DLGAP2: variants seen among roughly 807,000 people sequenced by gnomAD.
DLGAP2 encodes disks large-associated protein 2.
In DLGAP2, 26 loss-of-function variants were observed where a neutral mutation model predicts 100.3. The ratio of observed to expected loss-of-function variants is 0.26; its 90% confidence interval spans 0.19 to 0.36. The LOEUF (loss-of-function observed/expected upper bound fraction) is 0.36. Among genes scored for constraint, DLGAP2 ranks in the 10% least tolerant of loss-of-function variants. DLGAP2 has a pLI of 1.00. For missense variants in DLGAP2, 1,858 were observed against 1,453.2 expected (o/e 1.28, Z -4.53); for synonymous variants, 886 against 630.1 (o/e 1.41, Z -6.08).
In DLGAP2 at chr8:1,704,478, G is replaced by C. The variant is rs1375094149; in HGVS notation, c.*3072G>C. 6.6e-6 allele frequency: 1 copy of C among 152,238 alleles called. No homozygotes were observed. The highest frequency in any genetic ancestry group is 1.5e-5 in the Non-Finnish European group (1 of 68,042). 9.4% of individuals were successfully genotyped at this position (152,238 alleles called of 1,614,324 possible). A position where few individuals can be genotyped will look rare whatever the true frequency, so the allele number is the denominator to read the frequency against. ...AGGAGAATGCTGCTTGTCACCTAGAGTGCTTTCCTTGTGATGCGTCTCTCG... is the reference window on the plus strand; with the variant it reads ...AGGAGAATGCTGCTTGTCACCTAGACTGCTTTCCTTGTGATGCGTCTCTCG... On this transcript the variant is annotated 3_prime_UTR_variant, in exon 15 of 15. Transcript: ENST00000637795.
intron 3 of DLGAP2, among the ~76,000 whole-genome samples, chr8:1,303,117 G>T (rs1221067635): frequency 1.3e-5 from 2 of 152,216 alleles, no homozygotes; most frequent in East Asian, 1.9e-4. Flanking sequence ...GGAGGAAGGG[G>T]TGGGGCGCGG....
chr8:1,266,472 C>G (rs778794846), intron 3 of DLGAP2, among the ~76,000 whole-genome samples: 4 of 152,162 alleles, frequency 2.6e-5, no homozygotes, highest in Non-Finnish European at 4.4e-5. Flanking sequence ...CTCTTTATGG[C>G]CAGCCATAAA....
intron 8 of DLGAP2, among the ~76,000 whole-genome samples, chr8:1,654,483 G>A (rs1189276192): frequency 6.6e-6 from 1 of 151,968 alleles, no homozygotes; most frequent in Non-Finnish European, 1.5e-5. Context: ...CCAACATGGT[G>A]AAACCCCATC....
At chr8:1,110,826 C>T (rs150126867) in intron 2 of DLGAP2, among the ~76,000 whole-genome samples, 1 of 151,766 alleles carries the variant, frequency 6.6e-6, no homozygotes, top group African/African-American at 2.4e-5. Flanking sequence ...CTGCACAGCC[C>T]TGACCCCCGG....
chr8:1,312,299 G>T (rs138194806), intron 3 of DLGAP2, among the ~76,000 whole-genome samples: 4 of 152,160 alleles, frequency 2.6e-5, no homozygotes, highest in South Asian at 2.1e-4. Context: ...TTTAGAGACC[G>T]CACCGAAGGC....
intron 1 of DLGAP2, among the ~76,000 whole-genome samples, chr8:815,616 A>C (rs918175069): frequency 1.3e-5 from 2 of 152,360 alleles, no homozygotes; most frequent in South Asian, 4.1e-4. Context: ...CTTGGTAAAG[A>C]AAATATAAAT....
chr8:794,383 G>C (rs1339857840), intron 1 of DLGAP2, among the ~76,000 whole-genome samples: 2 of 152,202 alleles, frequency 1.3e-5, no homozygotes, highest in Admixed American at 1.3e-4. Context: ...ACAGCCTTCA[G>C]AGCTGAGAGC....
At chr8:1,314,264 CT>C (rs1408233187) in intron 3 of DLGAP2, among the ~76,000 whole-genome samples, 1 of 152,154 alleles carries the variant, frequency 6.6e-6, no homozygotes, top group Non-Finnish European at 1.5e-5. Context: ...ACGTGAAATA[CT>C]TTTGGTCACT....
rs530602771 is a variant in DLGAP2, at chr8:1,133,764, C to T, written c.74-125087C>T. 2.0e-5 allele frequency among the ~76,000 whole-genome samples: 3 copies of T among 152,086 alleles called. No homozygotes were observed. The South Asian group carries it at 6.2e-4, about 32-fold the overall frequency. Reference sequence around the variant, plus strand: ...AAACCAGACTTTGATTTTTGGATTTCAGATAACACAGTAGTATTTAATTTG... The same window carrying T: ...AAACCAGACTTTGATTTTTGGATTTTAGATAACACAGTAGTATTTAATTTG... On this transcript the variant is annotated intron_variant, in intron 2 of 14. Transcript: ENST00000637795.
chr8:1,424,227 G>T (rs935981756), intron 3 of DLGAP2, among the ~76,000 whole-genome samples: 1 of 152,194 alleles, frequency 6.6e-6, no homozygotes, highest in African/African-American at 2.4e-5. Context: ...CTGATGGTTT[G>T]GCATACGTAA....
At chr8:1,294,887 ACTT>A (rs1563427592) in intron 3 of DLGAP2, among the ~76,000 whole-genome samples, 1 of 112,644 alleles carries the variant, frequency 8.9e-6, no homozygotes, top group Non-Finnish European at 2.1e-5. Context: ...AAAAAACAAA[ACTT>A]TTTTTTTTAA....
intron 3 of DLGAP2, among the ~76,000 whole-genome samples, chr8:1,495,350 C>T (rs1799512851): frequency 6.6e-6 from 1 of 152,324 alleles, no homozygotes; most frequent in Admixed American, 6.5e-5. Flanking sequence ...CAAGGAGAGG[C>T]AGCCGAGGAC....
At chr8:1,574,727 C>T (rs948299759) in intron 6 of DLGAP2, among the ~76,000 whole-genome samples, 12 of 152,204 alleles carry the variant, frequency 7.9e-5, no homozygotes, top group Non-Finnish European at 1.2e-4. Flanking sequence ...GGTTGACCCA[C>T]ATTAAACTGC....
chr8:1,479,297 TAA>T (rs1449974603), intron 3 of DLGAP2, among the ~76,000 whole-genome samples: 1 of 152,212 alleles, frequency 6.6e-6, no homozygotes, highest in Admixed American at 6.5e-5. Flanking sequence ...GGGGACAGAA[TAA>T]GATGCTGGGC....
chr8:1,539,716 C>A (rs1168626607), intron 4 of DLGAP2, among the ~76,000 whole-genome samples: 1 of 152,200 alleles, frequency 6.6e-6, no homozygotes, highest in Non-Finnish European at 1.5e-5. Flanking sequence ...GACAGCGAGA[C>A]CTGCCCACAT....
chr8:1,359,936 C>G (rs1399202737), intron 3 of DLGAP2, among the ~76,000 whole-genome samples: 3 of 152,210 alleles, frequency 2.0e-5, no homozygotes, highest in Admixed American at 2.0e-4. Flanking sequence ...GTGACTTAAA[C>G]AGGACCGTCC....
At chr8:823,735 C>CT (rs1796631550) in intron 1 of DLGAP2, among the ~76,000 whole-genome samples, 1 of 152,084 alleles carries the variant, frequency 6.6e-6, no homozygotes, top group Non-Finnish European at 1.5e-5. Flanking sequence ...GTCGTTTTGT[C>CT]TTGCACTTTG....
intron 3 of DLGAP2, among the ~76,000 whole-genome samples, chr8:1,328,001 G>C (rs1585263721): frequency 6.6e-6 from 1 of 152,144 alleles, no homozygotes; most frequent in Non-Finnish European, 1.5e-5. Flanking sequence ...TAGACTTCAT[G>C]GGTGAGGCTG....
At chr8:1,299,712 T>G (rs964621866) in intron 3 of DLGAP2, among the ~76,000 whole-genome samples, 1 of 152,226 alleles carries the variant, frequency 6.6e-6, no homozygotes, top group African/African-American at 2.4e-5. Context: ...TGTGAGCTCC[T>G]CAGAATAAAA....
Sources: allele counts gnomAD v4.1 joint callset (sites outside exome capture counted in the v4.1 genomes callset), GRCh38; gene constraint gnomAD v4.1.1; transcripts MANE v1.5; gene names NCBI Gene and HGNC (gene_info 2026-07-23, HGNC 2026-07-21).